CDK13: variants seen among roughly 807,000 people sequenced by gnomAD.
CDK13 encodes the protein cyclin-dependent kinase 13.
A neutral mutation model predicts 137.6 loss-of-function variants in CDK13; 40 were observed. The ratio of observed to expected loss-of-function variants is 0.29; its 90% CI spans 0.23 to 0.38. The LOEUF (loss-of-function observed/expected upper bound fraction) is 0.38. CDK13 is among the 10% of genes least tolerant of loss of function. The pLI, the probability that CDK13 is intolerant of heterozygous loss-of-function variation, is 1.00. For synonymous variants in CDK13, 869 were observed against 760.1 expected (o/e 1.14, Z -2.36); for missense variants, 1,704 against 1,951.8 (o/e 0.87, Z 2.39).
At chr7:40,011,738 G>T (rs7803136) in intron 5 of CDK13, among the ~76,000 whole-genome samples, 6,061 of 152,158 alleles carry the variant, frequency 0.04, 358 homozygotes, top group African/African-American at 0.13. Flanking sequence ...ATGCTTATTA[G>T]ATATGACACC....
At chr7:40,010,423 C>T (rs1784871115) in intron 5 of CDK13, among the ~76,000 whole-genome samples, 2 of 152,314 alleles carry the variant, frequency 1.3e-5, no homozygotes, top group South Asian at 4.1e-4. Flanking sequence ...GTGGCTCACA[C>T]CTGTAATCCC....
chr7:40,095,871 A>G lies in CDK13; in HGVS notation c.*891A>G, dbSNP rs1409955902. The G allele has an allele frequency of 6.6e-6, 1 of 152,168 alleles. No individual in the cohort carries two copies. The highest frequency in any genetic ancestry group is 1.5e-5 in the Non-Finnish European group (1 of 68,056). 9.4% of individuals were successfully genotyped at this position (152,168 alleles called of 1,614,324 possible). Reference sequence around the variant, plus strand: ...CTGTCTTTGGGCTGTGTTGCCTTTCACTACCACCTTCTCTTGATAGGGGAG... The same window carrying G: ...CTGTCTTTGGGCTGTGTTGCCTTTCGCTACCACCTTCTCTTGATAGGGGAG... On this transcript the variant is annotated 3_prime_UTR_variant, in exon 14 of 14. Coordinates refer to ENST00000181839, the MANE Select transcript of CDK13 (RefSeq NM_003718.5).
chr7:39,952,153 T>G (rs963153382), intron 1 of CDK13: 1 of 288,200 alleles, frequency 3.5e-6, no homozygotes, highest in Non-Finnish European at 6.4e-6. Flanking sequence ...TTTCTCTCAG[T>G]TGCTCTTTGC....
At chr7:39,965,370 A>G (rs1361833590) in intron 1 of CDK13, among the ~76,000 whole-genome samples, 1 of 152,144 alleles carries the variant, frequency 6.6e-6, no homozygotes, top group African/African-American at 2.4e-5. Context: ...ACCATTATGT[A>G]ATGGCCTTCT....
chr7:39,952,126 A>G (rs998745332), intron 1 of CDK13: 32 of 350,256 alleles, frequency 9.1e-5, no homozygotes, highest in Non-Finnish European at 1.6e-4. Flanking sequence ...GACTTGTTGC[A>G]TTAATGTGTT....
In CDK13 at chr7:39,950,699, A is replaced by T; in HGVS notation, c.58A>T (p.Lys20Ter). The T allele has an allele frequency of 6.9e-7, 1 of 1,442,492 alleles. No individual in the cohort carries two copies. 89.4% of individuals were successfully genotyped at this position (1,442,492 alleles called of 1,614,324 possible). A position where few individuals can be genotyped will look rare whatever the true frequency, so the allele number is the denominator to read the frequency against. ...GGGGGLSWAE[K>*]KLEERRKRRR... ...AGGCGGGGGCCTGAGCTGGGCGGAG[A>T]AGAAGTTGGAGGAACGCCGCAAGCG... The change falls in exon 1 of 14, where the codon AAG (lysine) becomes TAG (stop). Residue 20 changes from lysine (K) to a stop codon, truncating the protein, a stop_gained. Coordinates refer to ENST00000181839, the MANE Select transcript of CDK13 (RefSeq NM_003718.5). LOFTEE classifies it high-confidence loss of function.
intron 5 of CDK13, among the ~76,000 whole-genome samples, chr7:40,012,243 G>A (rs923795371): frequency 1.3e-5 from 2 of 152,128 alleles, no homozygotes. Flanking sequence ...TTGGAAAACA[G>A]TATGGCCTTT....
chr7:39,962,073 C>T (rs1371463222), intron 1 of CDK13, among the ~76,000 whole-genome samples: 5 of 152,064 alleles, frequency 3.3e-5, no homozygotes, highest in East Asian at 1.9e-4. Context: ...TCTTTGCTAT[C>T]GTGAATAGTG....
intron 9 of CDK13, chr7:40,067,907 C>T (rs1786316977): frequency 1.3e-5 from 2 of 152,288 alleles, no homozygotes; most frequent in Admixed American, 1.3e-4. Flanking sequence ...CCAGCCCGGC[C>T]AGCATGGCGA....
At chr7:40,000,853 C>T (rs1784668435) in intron 4 of CDK13, among the ~76,000 whole-genome samples, 1 of 151,978 alleles carries the variant, frequency 6.6e-6, no homozygotes, top group African/African-American at 2.4e-5. Flanking sequence ...AATGAACAAA[C>T]CTTTATTATA....
intron 2 of CDK13, among the ~76,000 whole-genome samples, chr7:39,989,086 C>CAAAAAAAAA (rs1213730855): frequency 8.6e-5 from 4 of 46,678 alleles, no homozygotes; most frequent in Non-Finnish European, 1.1e-4. Context: ...CGTGTCTCAC[C>CAAAAAAAAA]AAAAAAAAAA....
chr7:39,988,870 T>G (rs1044116561), intron 2 of CDK13, among the ~76,000 whole-genome samples: 1 of 151,820 alleles, frequency 6.6e-6, no homozygotes, highest in South Asian at 2.1e-4. Context: ...TCACCTGAGG[T>G]CAGGAGTTCA....
chr7:40,018,838 A>G (rs1043836213), intron 5 of CDK13, among the ~76,000 whole-genome samples: 4 of 152,172 alleles, frequency 2.6e-5, no homozygotes, highest in African/African-American at 7.2e-5. Context: ...CCGCTATACA[A>G]TTCATCCATG....
chr7:39,973,109 G>A (rs1784034453), intron 1 of CDK13, among the ~76,000 whole-genome samples: 1 of 152,068 alleles, frequency 6.6e-6, no homozygotes, highest in African/African-American at 2.4e-5. Context: ...TTTGAGAAAT[G>A]TCTACATGAA....
chr7:39,956,097 G>A (rs889622723), intron 1 of CDK13, among the ~76,000 whole-genome samples: 1 of 149,674 alleles, frequency 6.7e-6, no homozygotes, highest in Non-Finnish European at 1.5e-5. Flanking sequence ...ATTCCGTAAT[G>A]AAAAAAAAAC....
At chr7:40,002,551 T>C (rs1367470869) in intron 5 of CDK13, among the ~76,000 whole-genome samples, 1 of 152,198 alleles carries the variant, frequency 6.6e-6, no homozygotes, top group Non-Finnish European at 1.5e-5. Context: ...GTAGTTATTA[T>C]AGGGCATATG....
chr7:40,050,214 C>A (rs1562749632), intron 7 of CDK13, among the ~76,000 whole-genome samples: 2 of 152,028 alleles, frequency 1.3e-5, no homozygotes, highest in African/African-American at 4.8e-5. Flanking sequence ...CTTTAAAGAT[C>A]AAAAAATGTT....
At chr7:39,971,125 T>C (rs1026419867) in intron 1 of CDK13, among the ~76,000 whole-genome samples, 1 of 152,264 alleles carries the variant, frequency 6.6e-6, no homozygotes, top group Admixed American at 6.5e-5. Context: ...TTTCAAGTCC[T>C]GTGACTTTTT....
chr7:40,041,585 GGCTAGTGGCTAGTA>G (rs1415683035), intron 5 of CDK13, among the ~76,000 whole-genome samples: 1 of 152,200 alleles, frequency 6.6e-6, no homozygotes, highest in East Asian at 1.9e-4. Context: ...AGCCACATGT[GGCTAGTGGCTAGTA>G]GCTACTGTAT....
Sources: gnomAD v4.1 joint callset for allele counts (sites outside exome capture counted in the v4.1 genomes callset) on GRCh38, gnomAD v4.1.1 for gene constraint, MANE v1.5 for transcripts, NCBI Gene and HGNC (gene_info 2026-07-23, HGNC 2026-07-21) for gene names.